The following WFDC12 variants were observed in gnomAD, a reference collection of about 807,000 sequenced individuals.
WFDC12 encodes the protein WAP four-disulfide core domain 12, also known as WAP four-disulfide core domain protein 12.
In WFDC12, 4 loss-of-function variants were observed where a neutral mutation model predicts 7.3. The ratio of observed to expected loss-of-function variants is 0.55; its 90% CI spans 0.27 to 1.25. The LOEUF (loss-of-function observed/expected upper bound fraction) is 1.25, where lower values mean the gene tolerates loss of function less well. Ranked by LOEUF, WFDC12 falls within the 50% of genes most tolerant of loss-of-function variation. The probability of loss-of-function intolerance (pLI) is 0.12; values close to 1 mark genes in which losing one functional copy is unlikely to be tolerated. For synonymous variants in WFDC12, 48 were observed against 49.5 expected, an observed-to-expected ratio of 0.97 and a Z score of 0.13; for missense variants, 156 against 134.4, an observed-to-expected ratio of 1.16 and a Z score of -0.80.
In WFDC12 at chr20:45,123,858, A is replaced by C. The variant is rs772344579; in HGVS notation, c.324T>G (p.Cys108Trp). 1.9e-6 allele frequency: 3 copies of C among 1,613,058 alleles called. No homozygotes were observed. Among genetic ancestry groups the C allele is most frequent in the Non-Finnish European group, 2.5e-6 (3 of 1,180,012 alleles). ...AKCPGSSSTR[C>W]PQK ...AAAGGACCCAGCATCATTTCTGAGGACACCTGGTAGAGGAGGAGCCTGGAC... is the reference window on the plus strand; with the variant it reads ...AAAGGACCCAGCATCATTTCTGAGGCCACCTGGTAGAGGAGGAGCCTGGAC... Residue 108 changes from cysteine (C) to tryptophan (W), a missense_variant, in exon 3 of 3, where the codon TGT (cysteine) becomes TGG (tryptophan). By Grantham distance (215) the Cys-to-Trp change is radical (BLOSUM62 -2). Coordinates refer to ENST00000372785, the MANE Select transcript of WFDC12 (RefSeq NM_080869.2).
At chr20:45,124,301 C>T (rs1981936865) in intron 1 of WFDC12, 36 bp from the exon 2 acceptor site, 4 of 1,614,052 alleles carry the variant, frequency 2.5e-6, no homozygotes, top group African/African-American at 2.7e-5. Context: ...ATGAGAACTC[C>T]AGCCCCAGAG....
intron 1 of WFDC12, 47 bp from the exon 2 acceptor site, chr20:45,124,312 G>A (rs147400524): frequency 0.022 from 35,641 of 1,613,902 alleles, 475 homozygotes; most frequent in Non-Finnish European, 0.026. Flanking sequence ...AGCCCCAGAG[G>A]GCCCCTCAGG....
In WFDC12 at chr20:45,123,790, C is replaced by T. The variant is rs1981921551; in HGVS notation, c.*56G>A. 6.4e-7 allele frequency: 1 copy of T among 1,560,360 alleles called. No individual in the cohort carries two copies. Among genetic ancestry groups the T allele is most frequent in the Non-Finnish European group, 8.8e-7 (1 of 1,133,746 alleles). ...TTCTTCCATATTCCAAGTCTCAGGA[C>T]CCTCAGGGGCAGGTGCCAAGTGAGA... is the stretch of plus-strand genomic sequence containing the variant. On this transcript the variant is annotated 3_prime_UTR_variant, in exon 3 of 3. Coordinates refer to ENST00000372785, the MANE Select transcript of WFDC12 (RefSeq NM_080869.2).
rs979889716 is a variant in WFDC12, at chr20:45,123,832, G to A, written c.*14C>T. The A allele has an allele frequency of 1.9e-6, 3 of 1,612,188 alleles. No homozygotes were observed. Among genetic ancestry groups the A allele is most frequent in the Non-Finnish European group, 2.5e-6 (3 of 1,179,832 alleles). On this transcript the variant is annotated 3_prime_UTR_variant, in exon 3 of 3. Coordinates refer to ENST00000372785, the MANE Select transcript of WFDC12 (RefSeq NM_080869.2). ...CAAGTGAGAGTGACCCCCAGAGGTAGAAAGGACCCAGCATCATTTCTGAGG... is the reference window on the plus strand; with the variant it reads ...CAAGTGAGAGTGACCCCCAGAGGTAAAAAGGACCCAGCATCATTTCTGAGG...
rs1981933068 is a variant in WFDC12, at chr20:45,124,164, A to G, written c.181T>C (p.Cys61Arg). ...TDQDCLGERK[C>R]CYLHCGFKCV... is the part of the protein sequence containing the mutation. ...TTGAAGCCACAGTGCAGGTAACAAC[A>G]CTTCCTTTCCCCCAGACAGTCCTGG... The change falls in exon 2 of 3, where the codon TGT becomes CGT. Residue 61 changes from cysteine (C) to arginine (R), a missense_variant. Coordinates refer to ENST00000372785, the MANE Select transcript of WFDC12 (RefSeq NM_080869.2). The G allele has an allele frequency of 2.5e-6, 4 of 1,614,006 alleles. No homozygotes were observed. Among genetic ancestry groups the G allele is most frequent in the Non-Finnish European group, 3.4e-6 (4 of 1,180,032 alleles).
In WFDC12 at chr20:45,124,148, C is replaced by T; in HGVS notation, c.197G>A (p.Cys66Tyr). The T allele has an allele frequency of 6.2e-7, 1 of 1,614,238 alleles. No homozygotes were observed. The highest frequency in any genetic ancestry group is 8.5e-7 in the Non-Finnish European group (1 of 1,180,050). Residue 66 changes from cysteine to tyrosine, a missense_variant, in exon 2 of 3, where the codon TGT becomes TAT. Coordinates refer to ENST00000372785, the MANE Select transcript of WFDC12 (RefSeq NM_080869.2). ...LGERKCCYLHCGFKCVIPVKE... is the reference protein window; with the variant it reads ...LGERKCCYLHYGFKCVIPVKE... ...CACAGGAATCACACACTTGAAGCCA[C>T]AGTGCAGGTAACAACACTTCCTTTC...
chr20:45,123,926 C>T lies in WFDC12; in HGVS notation c.256G>A (p.Asp86Asn), dbSNP rs867112001. 10 of 1,612,808 alleles carry T rather than the reference C, an allele frequency of 6.2e-6. No homozygotes were observed. The African/African-American group carries it at 1.3e-4, about 22-fold the overall frequency. ...ELEEGGNKDE[D>N]VSRPYPEPGW... is the part of the protein sequence containing the mutation. The stretch of plus-strand genomic sequence containing the variant: ...GGCTCAGGGTATGGCCTTGACACAT[C>T]TTCATCCTTGTTTCCTCCTTTGGAC... Residue 86 changes from aspartate (D) to asparagine (N), a missense_variant, in exon 3 of 3, where the codon GAT (aspartate) becomes AAT (asparagine). Asp to Asn is a conservative substitution (Grantham distance 23). Transcript: ENST00000372785.
Position 45,124,226 on chromosome 20 carries a change from C to A in WFDC12, c.119G>T (p.Arg40Leu). ...KAGVCPADNV[R>L]CFKSDPPQCH... ...CTGGGGAGGATCGGACTTGAAGCAG[C>A]GTACGTTGTCAGCTGGGCAAACCCC... Residue 40 changes from arginine (R) to leucine (L), a missense_variant, in exon 2 of 3, where the codon CGC becomes CTC. Arg to Leu is a moderately radical substitution (Grantham distance 102). Transcript: ENST00000372785. 1.2e-6 allele frequency: 2 copies of A among 1,614,222 alleles called. No individual in the cohort carries two copies. Among genetic ancestry groups the A allele is most frequent in the Non-Finnish European group, 1.7e-6 (2 of 1,180,042 alleles).
In WFDC12 at chr20:45,123,649, G is replaced by A. The variant is rs1017138938; in HGVS notation, c.*197C>T. 1 of 622,508 alleles carries A rather than the reference G, an allele frequency of 1.6e-6. No individual in the cohort carries two copies. Among genetic ancestry groups the A allele is most frequent in the Non-Finnish European group, 2.8e-6 (1 of 353,700 alleles). The allele number at this position is 622,508 out of a possible 1,614,324, so 38.6% of individuals were successfully genotyped here. A position where few individuals can be genotyped will look rare whatever the true frequency, so the allele number is the denominator to read the frequency against. ...GTCCATTCATGAGCATTAGGGAGGAGCACCAGGTAGAGAGGGAAAGTACCG... is the reference window on the plus strand; with the variant it reads ...GTCCATTCATGAGCATTAGGGAGGAACACCAGGTAGAGAGGGAAAGTACCG... On this transcript the variant is annotated 3_prime_UTR_variant, in exon 3 of 3. Transcript: ENST00000372785.
In WFDC12 at chr20:45,124,389, G is replaced by A. The variant is rs115077112; in HGVS notation, c.59C>T (p.Ala20Val). 1,155 of 1,614,194 alleles carry A rather than the reference G, an allele frequency of 7.2e-4. 7 individuals carry two copies. The African/African-American group carries it at 0.013, about 18-fold the overall frequency. ...MVSLVLVTLVAVEGVKEGIEK... is the reference protein window; with the variant it reads ...MVSLVLVTLVVVEGVKEGIEK... ...CTCACCCTCTTTAACTCCTTCCACA[G>A]CCACCAGGGTCACAAGAACGAGAGA... The change falls in exon 1 of 3, where the codon GCT becomes GTT. Residue 20 changes from alanine (A) to valine (V), a missense_variant. By Grantham distance (64) the Ala-to-Val change is moderately conservative. Transcript: ENST00000372785.
Sources: gnomAD v4.1 joint callset for allele counts on GRCh38, gnomAD v4.1.1 for gene constraint, MANE v1.5 for transcripts, NCBI Gene and HGNC (gene_info 2026-07-23, HGNC 2026-07-21) for gene names.